EPG5: variants seen among roughly 807,000 people sequenced by gnomAD.
EPG5 encodes ectopic P-granules 5 autophagy tethering factor, also known as ectopic P granules protein 5 homolog.
Under a neutral mutation model 302.7 loss-of-function variants are expected in EPG5, and 159 were observed. The observed-to-expected ratio is 0.53, with a 90% CI of 0.46 to 0.60. The LOEUF (loss-of-function observed/expected upper bound fraction) is 0.60, where lower values mean the gene tolerates loss of function less well. Ranked by LOEUF, EPG5 falls within the 20% of genes least tolerant of loss-of-function variation. EPG5 has a pLI of 0.00. For missense variants in EPG5, 2,896 were observed against 3,092.4 expected (o/e 0.94, Z 1.51); for synonymous variants, 1,158 against 1,136.8 (o/e 1.02, Z -0.37).
intron 4 of EPG5, 23 bp from the exon 5 acceptor site, chr18:45,949,614 TCTCA>T (rs2050860267): frequency 6.8e-7 from 1 of 1,470,586 alleles, no homozygotes; most frequent in South Asian, 1.2e-5. Flanking sequence ...GGTCATATGA[TCTCA>T]CTATTTTTAA....
chr18:45,807,609 G>A, the EPG5 span, among the ~76,000 whole-genome samples: 2 of 152,146 alleles, frequency 1.3e-5, no homozygotes, highest in African/African-American at 4.8e-5. Flanking sequence ...TTACTGGGTG[G>A]CAAGGTCCTA....
At position 45,944,120 on chromosome 18, in the gene EPG5, C is replaced by T. The variant is rs755928939; in HGVS notation, c.1678-1G>A. The T allele has an allele frequency of 2.5e-6, 4 of 1,599,626 alleles. No homozygotes were observed. The Admixed American group carries it at 6.7e-5, about 27-fold the overall frequency. Reference sequence around the variant, plus strand: ...TCCAACTGGTCTCAGGGTCTTCATCCTAAGGGAAAAGACAAAAAATCATGT... The same window carrying T: ...TCCAACTGGTCTCAGGGTCTTCATCTTAAGGGAAAAGACAAAAAATCATGT... On this transcript the variant is annotated splice_acceptor_variant, in intron 7 of 43. Transcript: ENST00000282041. LOFTEE classifies it high-confidence loss of function.
At chr18:45,843,925 C>G (rs954648368), downstream of EPG5, 3 of 152,136 alleles carry the variant, frequency 2.0e-5, no homozygotes, top group African/African-American at 7.2e-5. Context: ...AATCCCACTG[C>G]TGGGTATCTG....
chr18:45,813,249 TAAA>T, the EPG5 span, among the ~76,000 whole-genome samples: 1 of 152,112 alleles, frequency 6.6e-6, no homozygotes, highest in Non-Finnish European at 1.5e-5. Context: ...TGGCAATCAT[TAAA>T]AAGTCAGGAA....
chr18:45,966,981 G>A (rs1330677112), intron 1 of EPG5, among the ~76,000 whole-genome samples, 196 bp downstream of exon 1: 1 of 152,174 alleles, frequency 6.6e-6, no homozygotes, highest in African/African-American at 2.4e-5. Flanking sequence ...CTGACAGAGT[G>A]TGGCAGGGGG....
chr18:45,865,651 T>TA lies in EPG5; in HGVS notation c.6729dup (p.Lys2244Ter). 1 of 1,614,060 alleles carries TA rather than the reference T, an allele frequency of 6.2e-7. No individual in the cohort carries two copies. The highest frequency in any genetic ancestry group is 8.5e-7 in the Non-Finnish European group (1 of 1,180,006). On this transcript the variant is annotated frameshift_variant, in exon 39 of 44. Transcript: ENST00000282041. LOFTEE classifies it high-confidence loss of function. ...AAGACAATGATATCGTCTAAGAGCT[T>TA]AGACATTTCCTGTTCTAGGACTGCT...
chr18:45,926,761 G>A (rs547993500), intron 13 of EPG5, among the ~76,000 whole-genome samples: 42 of 150,826 alleles, frequency 2.8e-4, no homozygotes, highest in Non-Finnish European at 4.7e-4. Context: ...GCAGTGAGCT[G>A]AGATTGAACC....
the EPG5 span, among the ~76,000 whole-genome samples, chr18:45,822,584 G>C: frequency 2.0e-5 from 3 of 152,152 alleles, no homozygotes; most frequent in Admixed American, 1.3e-4. Flanking sequence ...AAATGTTTAA[G>C]ATGATGGATA....
At chr18:45,921,136 A>G (rs767118612) in intron 16 of EPG5, among the ~76,000 whole-genome samples, 6 of 152,210 alleles carry the variant, frequency 3.9e-5, no homozygotes, top group Non-Finnish European at 8.8e-5. Context: ...CTGCCGATTT[A>G]TTTATGCCTA....
chr18:45,829,126 G>A, the EPG5 span: 1 of 985,604 alleles, frequency 1.0e-6, no homozygotes, highest in South Asian at 4.7e-5. Context: ...AGCACTCTGG[G>A]GTGGGCACAG....
chr18:45,889,100 C>T (rs966297299), intron 28 of EPG5, among the ~76,000 whole-genome samples: 2 of 152,162 alleles, frequency 1.3e-5, no homozygotes, highest in African/African-American at 4.8e-5. Flanking sequence ...GCCCAACACA[C>T]AAAAGGACTC....
At chr18:45,965,259 G>C (rs1446070377) in intron 1 of EPG5, among the ~76,000 whole-genome samples, 1 of 152,098 alleles carries the variant, frequency 6.6e-6, no homozygotes, top group Non-Finnish European at 1.5e-5. Flanking sequence ...AGTACACATG[G>C]ACACAAAGAA....
At chr18:45,931,854 A>C (rs2050403932) in intron 11 of EPG5, among the ~76,000 whole-genome samples, 1 of 150,814 alleles carries the variant, frequency 6.6e-6, no homozygotes, top group African/African-American at 2.4e-5. Flanking sequence ...ATAATAATAA[A>C]ATTAAATTAA....
At chr18:45,911,582 G>A (rs1363199425) in intron 22 of EPG5, among the ~76,000 whole-genome samples, 1 of 151,310 alleles carries the variant, frequency 6.6e-6, no homozygotes, top group South Asian at 2.1e-4. Context: ...GTGAGCCACC[G>A]CGCCTGGCCG....
chr18:45,916,553 T>C lies in EPG5; in HGVS notation c.3269A>G (p.His1090Arg), dbSNP rs748035716. 5 of 1,608,674 alleles carry C rather than the reference T, an allele frequency of 3.1e-6. No homozygotes were observed. The South Asian group carries it at 5.5e-5, about 18-fold the overall frequency. Reference sequence around the variant, plus strand: ...ACCCTGAGGGACACCGCTGTCCAAGTGTAGGAACAAGAGGAGATGCGATAA... The same window carrying C: ...ACCCTGAGGGACACCGCTGTCCAAGCGTAGGAACAAGAGGAGATGCGATAA... ...QFLSHLLLFL[H>R]LDSGVPQGVT... The change falls in exon 18 of 44, where the codon CAC (histidine) becomes CGC (arginine). Residue 1090 changes from histidine (H) to arginine (R), a missense_variant. His to Arg is a conservative substitution (Grantham distance 29). Coordinates refer to ENST00000282041, the MANE Select transcript of EPG5 (RefSeq NM_020964.3).
At chr18:45,962,215 T>TA (rs1181065332) in intron 1 of EPG5, among the ~76,000 whole-genome samples, 2 of 152,150 alleles carry the variant, frequency 1.3e-5, no homozygotes, top group African/African-American at 4.8e-5. Flanking sequence ...TTCAAACCAA[T>TA]AACCACTCCT....
At position 45,904,131 on chromosome 18, in the gene EPG5, A is replaced by G. The variant is rs1403732221; in HGVS notation, c.4330-14T>C. On this transcript the variant is annotated splice_polypyrimidine_tract_variant and intron_variant, in intron 24 of 43. Coordinates refer to ENST00000282041, the MANE Select transcript of EPG5 (RefSeq NM_020964.3). ...CATCCACAGATCCTGAAACAGAACG[A>G]CAGTACTTTAACTCTGACAGACAAG... The G allele has an allele frequency of 1.2e-6, 2 of 1,606,170 alleles. No individual in the cohort carries two copies. The highest frequency in any genetic ancestry group is 1.7e-5 in the Admixed American group (1 of 57,284).
chr18:45,922,111 A>G (rs955339702), intron 16 of EPG5, among the ~76,000 whole-genome samples: 3 of 152,156 alleles, frequency 2.0e-5, no homozygotes, highest in African/African-American at 7.2e-5. Context: ...CCAGGAGACA[A>G]GCAGAACTCT....
chr18:45,879,498 G>T (rs2049044988), intron 32 of EPG5, among the ~76,000 whole-genome samples: 2 of 152,122 alleles, frequency 1.3e-5, no homozygotes, highest in South Asian at 4.1e-4. Context: ...CTCCTGAGTA[G>T]CTGGGACTAC....
Sources: allele counts gnomAD v4.1 joint callset (sites outside exome capture counted in the v4.1 genomes callset), GRCh38; gene constraint gnomAD v4.1.1; transcripts MANE v1.5; gene names NCBI Gene and HGNC (gene_info 2026-07-23, HGNC 2026-07-21).